PAK6: variants seen among roughly 807,000 people sequenced by gnomAD.
The protein encoded by PAK6 is serine/threonine-protein kinase PAK 6.
A neutral mutation model predicts 60.8 loss-of-function variants in PAK6; 33 were observed. That is an observed-to-expected ratio of 0.54 (90% confidence interval 0.41 to 0.73). PAK6 has a LOEUF of 0.73. PAK6 is among the 30% of genes least tolerant of loss of function. The pLI, the probability that PAK6 is intolerant of heterozygous loss-of-function variation, is 0.00. For synonymous variants in PAK6, 404 were observed against 378.5 expected, an observed-to-expected ratio of 1.07 and a Z score of -0.78; for missense variants, 845 against 904.1, an observed-to-expected ratio of 0.93 and a Z score of 0.84.
intron 9 of PAK6, chr15:40,273,906 G>A (rs1049513327): frequency 2.8e-5 from 19 of 669,158 alleles, no homozygotes; most frequent in East Asian, 8.2e-5. Flanking sequence ...GGGTATGGCC[G>A]GGCCTCCTAT....
In PAK6 at chr15:40,266,512, G is replaced by C; in HGVS notation, c.858+17G>C. Reference sequence around the variant, plus strand: ...CAGAGCAAGGTAAGTCAGGAGCCTGGCCTGCAGGTGTCCACTGGGGAGTGG... The same window carrying C: ...CAGAGCAAGGTAAGTCAGGAGCCTGCCCTGCAGGTGTCCACTGGGGAGTGG... On this transcript the variant is annotated intron_variant, in intron 5 of 10. Transcript: ENST00000560346. 6.4e-7 allele frequency: 1 copy of C among 1,574,754 alleles called. No individual in the cohort carries two copies. Among genetic ancestry groups the C allele is most frequent in the Non-Finnish European group, 8.6e-7 (1 of 1,160,762 alleles).
intron 3 of PAK6, among the ~76,000 whole-genome samples, chr15:40,255,559 C>T (rs1053393930): frequency 2.0e-5 from 3 of 152,178 alleles, no homozygotes; most frequent in Non-Finnish European, 4.4e-5. Flanking sequence ...CCTCCTCCCC[C>T]GCAGGTGACA....
intron 5 of PAK6, among the ~76,000 whole-genome samples, chr15:40,268,477 G>A (rs376382285): frequency 2.0e-5 from 3 of 152,212 alleles, no homozygotes; most frequent in Admixed American, 6.5e-5. Flanking sequence ...CAGATGGGGA[G>A]CATCAGCCTT....
intron 2 of PAK6, among the ~76,000 whole-genome samples, chr15:40,243,689 G>T (rs534783258): frequency 4.6e-5 from 7 of 152,202 alleles, no homozygotes; most frequent in Non-Finnish European, 7.4e-5. Context: ...CAGGAAAGCT[G>T]GGAAGAAACA....
rs151169152 is a variant in PAK6 at position 40,275,578 on chromosome 15, C to T, written c.1879-349C>T. Among the ~76,000 whole-genome samples, 437 of 152,192 alleles carry T rather than the reference C, an allele frequency of 2.9e-3. 2 individuals are homozygous for T. The highest frequency in any genetic ancestry group is 9.7e-3 in the African/African-American group (403 of 41,502). On this transcript the variant is annotated intron_variant, in intron 10 of 10. Coordinates refer to ENST00000560346, the Ensembl canonical transcript of PAK6. ...GGGATTACAGGCTTGAGCCACTGCGCCCAGCGACCTGTTTTTAAAATCTCA... is the reference window on the plus strand; with the variant it reads ...GGGATTACAGGCTTGAGCCACTGCGTCCAGCGACCTGTTTTTAAAATCTCA...
intron 5 of PAK6, 45 bp downstream of exon 5, chr15:40,266,540 G>A (rs1289630591): frequency 5.2e-6 from 8 of 1,528,002 alleles, no homozygotes; most frequent in Non-Finnish European, 7.0e-6. Context: ...GGGAGTGGGT[G>A]TAGGGACACA....
intron 3 of PAK6, chr15:40,258,698 A>T (rs2038903049): frequency 1.3e-5 from 2 of 152,392 alleles, no homozygotes; most frequent in Admixed American, 6.5e-5. Flanking sequence ...AGTGTGTGCC[A>T]GGAACCGTCG....
intron 4 of PAK6, among the ~76,000 whole-genome samples, chr15:40,265,385 C>A (rs2039094611): frequency 1.3e-5 from 2 of 152,236 alleles, no homozygotes; most frequent in South Asian, 4.1e-4. Flanking sequence ...ACCCAAGAGC[C>A]TGGTAGAAGG....
At chr15:40,244,945 A>G (rs1308915598) in intron 2 of PAK6, 1 of 152,240 alleles carries the variant, frequency 6.6e-6, no homozygotes, top group Admixed American at 6.5e-5. Flanking sequence ...CAGGCAGGGC[A>G]GAGACCCAAG....
intron 1 of PAK6, chr15:40,240,120 G>C (rs575942441): frequency 6.5e-6 from 1 of 154,268 alleles, no homozygotes; most frequent in Non-Finnish European, 1.4e-5. Context: ...GGAGGGGCTG[G>C]CCAGGGTGAG....
chr15:40,264,518 A>G, intron 3 of PAK6: 1 of 589,702 alleles, frequency 1.7e-6, no homozygotes, highest in Non-Finnish European at 3.2e-6. Flanking sequence ...TCCATAGGGG[A>G]CTTGGCACAG....
exon 11 of PAK6, chr15:40,276,622 C>A (rs2242119): frequency 0.33 from 50,405 of 152,836 alleles, 9,443 homozygotes; most frequent in South Asian, 0.5. Context: ...CCTCCCCGCC[C>A]AGAACTGTGA....
intron 2 of PAK6, chr15:40,252,639 C>T (rs2038712141): frequency 7.5e-7 from 1 of 1,332,054 alleles, no homozygotes; most frequent in Non-Finnish European, 9.9e-7. Context: ...CCGCGGAGGG[C>T]GGGCCCGGCT....
At chr15:40,252,901 G>A in intron 2 of PAK6, 1 of 1,206,546 alleles carries the variant, frequency 8.3e-7, no homozygotes, top group Non-Finnish European at 1.1e-6. Flanking sequence ...GCGTCCCCGA[G>A]AGGGCGCAGC....
At chr15:40,258,098 C>T (rs1325348779) in intron 3 of PAK6, among the ~76,000 whole-genome samples, 2 of 152,216 alleles carry the variant, frequency 1.3e-5, no homozygotes, top group African/African-American at 4.8e-5. Flanking sequence ...ATTTTACTCA[C>T]CCCTTGCTGA....
rs368360792 is a variant in PAK6, at chr15:40,265,001, C to T, written c.204+12C>T. 2.6e-5 allele frequency: 42 copies of T among 1,610,324 alleles called. No individual in the cohort carries two copies. Among genetic ancestry groups the T allele is most frequent in the Middle Eastern group, 3.4e-4 (2 of 5,960 alleles). On this transcript the variant is annotated intron_variant, in intron 4 of 10. Transcript: ENST00000560346. Reference sequence around the variant, plus strand: ...TCCAGCCCATGAAGGTAAGAGGGGCCGGCAGGGATGAGGTTCAGCCTCTCC... The same window carrying T: ...TCCAGCCCATGAAGGTAAGAGGGGCTGGCAGGGATGAGGTTCAGCCTCTCC...
chr15:40,255,417 C>G (rs1234247566), intron 3 of PAK6, among the ~76,000 whole-genome samples: 1 of 152,154 alleles, frequency 6.6e-6, no homozygotes, highest in African/African-American at 2.4e-5. Context: ...CTGGGTCCCT[C>G]AAGTGGGACA....
At chr15:40,244,549 C>T (rs2038447396) in intron 2 of PAK6, among the ~76,000 whole-genome samples, 1 of 151,764 alleles carries the variant, frequency 6.6e-6, no homozygotes, top group African/African-American at 2.4e-5. Context: ...AAGCACCCAC[C>T]ACCATGCCCG....
At chr15:40,241,796 G>C (rs1028091861) in intron 2 of PAK6, among the ~76,000 whole-genome samples, 2 of 152,206 alleles carry the variant, frequency 1.3e-5, no homozygotes, top group Non-Finnish European at 2.9e-5. Flanking sequence ...AGGAAAGCCC[G>C]CTCTGTGCAC....
Sources: gnomAD v4.1 joint callset for allele counts (sites outside exome capture counted in the v4.1 genomes callset) on GRCh38, gnomAD v4.1.1 for gene constraint, MANE v1.5 for transcripts, NCBI Gene and HGNC (gene_info 2026-07-23, HGNC 2026-07-21) for gene names.